MBNL1: variants seen among roughly 807,000 people sequenced by gnomAD.
MBNL1 encodes the protein muscleblind like splicing regulator 1.
In MBNL1, 8 loss-of-function variants were observed where a neutral mutation model predicts 42.2. That is an observed-to-expected ratio of 0.19 (90% CI 0.11 to 0.34). MBNL1 has a LOEUF of 0.34. MBNL1 is among the 10% of genes least tolerant of loss of function. The pLI, the probability that MBNL1 is intolerant of heterozygous loss-of-function variation, is 1.00. For synonymous variants in MBNL1, 169 were observed against 173.9 expected, an observed-to-expected ratio of 0.97 and a Z score of 0.22; for missense variants, 309 against 495.3, an observed-to-expected ratio of 0.62 and a Z score of 3.57.
intron 4 of MBNL1, among the ~76,000 whole-genome samples, chr3:152,440,371 CA>C (rs1247980536): frequency 1.3e-5 from 2 of 152,226 alleles, no homozygotes; most frequent in African/African-American, 4.8e-5. Context: ...TACAGTTCCA[CA>C]TGGCTAGGGA....
At chr3:152,354,253 A>C (rs1231195016) in intron 2 of MBNL1, among the ~76,000 whole-genome samples, 1 of 152,166 alleles carries the variant, frequency 6.6e-6, no homozygotes, top group Non-Finnish European at 1.5e-5. Context: ...CCAGGAGTTT[A>C]AGACAAGCCT....
chr3:152,416,233 T>C (rs1470938901), intron 3 of MBNL1, among the ~76,000 whole-genome samples: 1 of 152,212 alleles, frequency 6.6e-6, no homozygotes, highest in African/African-American at 2.4e-5. Flanking sequence ...ATCTCCACAT[T>C]ACATGGGCAG....
At chr3:152,361,843 A>G (rs1182271402) in intron 2 of MBNL1, among the ~76,000 whole-genome samples, 1 of 152,212 alleles carries the variant, frequency 6.6e-6, no homozygotes, top group Admixed American at 6.5e-5. Context: ...CATTTAATAA[A>G]TTATCCAGAT....
At chr3:152,319,009 G>A (rs1158214375) in intron 2 of MBNL1, among the ~76,000 whole-genome samples, 1 of 151,938 alleles carries the variant, frequency 6.6e-6, no homozygotes, top group Non-Finnish European at 1.5e-5. Context: ...AAGTAGCTTG[G>A]AAAAAAATTG....
chr3:152,328,927 A>G (rs2082236375), intron 2 of MBNL1, among the ~76,000 whole-genome samples: 1 of 152,222 alleles, frequency 6.6e-6, no homozygotes, highest in South Asian at 2.1e-4. Flanking sequence ...GGCTATTTTA[A>G]TCTGTTGAAA....
chr3:152,396,396 G>A (rs370998759), intron 2 of MBNL1, among the ~76,000 whole-genome samples: 6 of 151,956 alleles, frequency 3.9e-5, no homozygotes, highest in African/African-American at 1.5e-4. Context: ...AAAAGGTTGG[G>A]GACCACTGTT....
intron 2 of MBNL1, among the ~76,000 whole-genome samples, chr3:152,366,934 AAAT>A (rs1365225412): frequency 1.7e-3 from 252 of 152,326 alleles, no homozygotes; most frequent in African/African-American, 5.6e-3. Flanking sequence ...ACAAAAGAGA[AAAT>A]AATACAGTGT....
At chr3:152,448,290 G>A in intron 6 of MBNL1, among the ~76,000 whole-genome samples, 1 of 152,140 alleles carries the variant, frequency 6.6e-6, no homozygotes, top group East Asian at 1.9e-4. Context: ...AATTATGACT[G>A]TTCCTAAGCT....
chr3:152,310,734 C>T (rs956974945), intron 2 of MBNL1, among the ~76,000 whole-genome samples: 1 of 151,876 alleles, frequency 6.6e-6, no homozygotes, highest in Non-Finnish European at 1.5e-5. Flanking sequence ...TCTAACAATA[C>T]AGAGTCTGAA....
chr3:152,314,646 A>G (rs2069464326), intron 2 of MBNL1, among the ~76,000 whole-genome samples: 1 of 152,192 alleles, frequency 6.6e-6, no homozygotes, highest in Admixed American at 6.5e-5. Context: ...AAGTGCTGAG[A>G]TTATAGGTGT....
At chr3:152,429,792 T>TTGTGTG (rs375863735) in intron 3 of MBNL1, among the ~76,000 whole-genome samples, 115 of 149,704 alleles carry the variant, frequency 7.7e-4, no homozygotes, top group African/African-American at 1.3e-3. Context: ...TGGTGTGTGT[T>TTGTGTG]TGTGTGTGTG....
At chr3:152,249,601 G>T (rs1189760522) in intron 2 of MBNL1, among the ~76,000 whole-genome samples, 1 of 149,124 alleles carries the variant, frequency 6.7e-6, no homozygotes, top group Non-Finnish European at 1.5e-5. Context: ...TTCTTTTGCT[G>T]TGCAGAAGCT....
chr3:152,424,681 C>G (rs1167445061), intron 3 of MBNL1, among the ~76,000 whole-genome samples: 1 of 152,068 alleles, frequency 6.6e-6, no homozygotes, highest in African/African-American at 2.4e-5. Context: ...CTTCATACTA[C>G]AAGGCTACAG....
intron 2 of MBNL1, among the ~76,000 whole-genome samples, chr3:152,331,942 T>C (rs77763169): frequency 0.17 from 25,150 of 152,148 alleles, 2,265 homozygotes; most frequent in East Asian, 0.27. Context: ...TCCACCCGCC[T>C]CAGCCTCCCA....
intron 2 of MBNL1, among the ~76,000 whole-genome samples, chr3:152,372,742 T>G (rs1039860328): frequency 6.6e-6 from 1 of 152,216 alleles, no homozygotes; most frequent in South Asian, 2.1e-4. Context: ...TGACCCCTGC[T>G]GGGAGGTGTC....
At chr3:152,398,349 TAA>T (rs1560440454) in intron 2 of MBNL1, among the ~76,000 whole-genome samples, 26 of 152,112 alleles carry the variant, frequency 1.7e-4, no homozygotes, top group African/African-American at 6.0e-4. Flanking sequence ...GTTTTTTTTT[TAA>T]TTAAAAAAGA....
chr3:152,306,637 T>G (rs2063299768), intron 2 of MBNL1, among the ~76,000 whole-genome samples: 1 of 152,200 alleles, frequency 6.6e-6, no homozygotes, highest in Non-Finnish European at 1.5e-5. Context: ...TTATTTATTA[T>G]TATTTTAAAA....
intron 2 of MBNL1, among the ~76,000 whole-genome samples, chr3:152,371,600 C>CA (rs989057763): frequency 1.7e-4 from 26 of 151,800 alleles, no homozygotes; most frequent in South Asian, 8.3e-4. Flanking sequence ...CCATCTCACA[C>CA]AAAAAAAAGA....
intron 1 of MBNL1, among the ~76,000 whole-genome samples, chr3:152,272,447 T>C (rs1350511825): frequency 1.3e-5 from 2 of 152,170 alleles, no homozygotes; most frequent in African/African-American, 4.8e-5. Flanking sequence ...ACTGTAGTTA[T>C]CATTGTCCTG....
Sources: gnomAD v4.1 joint callset for allele counts (sites outside exome capture counted in the v4.1 genomes callset) on GRCh38, gnomAD v4.1.1 for gene constraint, MANE v1.5 for transcripts, NCBI Gene and HGNC (gene_info 2026-07-23, HGNC 2026-07-21) for gene names.